ADAMTS2: variants seen among roughly 807,000 people sequenced by gnomAD.
The protein encoded by ADAMTS2 is A disintegrin and metalloproteinase with thrombospondin motifs 2.
ADAMTS2 carries 50 observed loss-of-function variants against 123.0 expected under a neutral mutation model. The ratio of observed to expected loss-of-function variants is 0.41; its 90% confidence interval spans 0.32 to 0.51. The LOEUF is 0.51. Ranked by LOEUF, ADAMTS2 falls within the 20% of genes least tolerant of loss-of-function variation. The pLI is 0.35. For missense variants in ADAMTS2, 1,494 were observed against 1,705.2 expected (o/e 0.88, Z 2.18); for synonymous variants, 678 against 695.4 (o/e 0.98, Z 0.39).
At chr5:179,220,476 G>A (rs1336772743) in intron 3 of ADAMTS2, among the ~76,000 whole-genome samples, 1 of 152,140 alleles carries the variant, frequency 6.6e-6, no homozygotes, top group Non-Finnish European at 1.5e-5. Context: ...CACTCAGAAG[G>A]TCCAGGGCCT....
Position 179,256,550 on chromosome 5 carries a change from A to G in ADAMTS2, c.688+16361T>C, listed in dbSNP as rs1766057494. Among the ~76,000 whole-genome samples the G allele has an allele frequency of 6.6e-6, 1 of 151,964 alleles. No individual in the cohort carries two copies. Among genetic ancestry groups the G allele is most frequent in the African/African-American group, 2.4e-5 (1 of 41,388 alleles). On this transcript the variant is annotated intron_variant, in intron 3 of 21. Coordinates refer to ENST00000251582, the MANE Select transcript of ADAMTS2 (RefSeq NM_014244.5). This position sits in a 1 kb window ranked among gnomAD's most constrained non-coding sequence, Gnocchi z 4.1. ...TGTGTGAGAGAGAGAGAGGAGAGAG[A>G]GACGGAGAGAGTTTATGTACGTGTA...
At chr5:179,310,657 G>A (rs1756805172) in intron 2 of ADAMTS2, among the ~76,000 whole-genome samples, 1 of 152,160 alleles carries the variant, frequency 6.6e-6, no homozygotes, top group Non-Finnish European at 1.5e-5. Flanking sequence ...GCTGAATCCA[G>A]GCCCCATCCA....
intron 4 of ADAMTS2, among the ~76,000 whole-genome samples, chr5:179,203,329 C>T (rs777800160): frequency 1.3e-5 from 2 of 152,236 alleles, no homozygotes; most frequent in African/African-American, 2.4e-5. Context: ...TCTGGATGTG[C>T]CGTTGCCCAG....
intron 2 of ADAMTS2, among the ~76,000 whole-genome samples, chr5:179,287,008 C>T (rs1229416166): frequency 1.3e-5 from 2 of 152,146 alleles, no homozygotes; most frequent in Admixed American, 6.5e-5. Flanking sequence ...TCCTGATCTA[C>T]GGGAGTTTAG....
At position 179,118,289 on chromosome 5, in the gene ADAMTS2, C is replaced by T. The variant is rs1188608657; in HGVS notation, c.3178+3372G>A. Among the ~76,000 whole-genome samples the T allele has an allele frequency of 6.6e-6, 1 of 152,138 alleles. No homozygotes were observed. Among genetic ancestry groups the T allele is most frequent in the Admixed American group, 6.5e-5 (1 of 15,270 alleles). ...ATCTTAAAGATGCCCCAGGTTTGTA[C>T]ATTTTTAAGTATCATCACGGACCAC... On this transcript the variant is annotated intron_variant, in intron 21 of 21. Coordinates refer to ENST00000251582, the MANE Select transcript of ADAMTS2 (RefSeq NM_014244.5). This position sits in a 1 kb window ranked among gnomAD's most constrained non-coding sequence, Gnocchi z 4.5.
Position 179,137,757 on chromosome 5 carries a change from A to T in ADAMTS2, c.1951+12T>A. On this transcript the variant is annotated intron_variant, in intron 12 of 21. Transcript: ENST00000251582. ...TGCTGAGCCCCCACTGATGCCTCCC[A>T]GAAGGGCTCACCATCCCGGTGCTCG... The T allele has an allele frequency of 7.6e-7, 1 of 1,313,916 alleles. No homozygotes were observed. The highest frequency in any genetic ancestry group is 1.0e-6 in the Non-Finnish European group (1 of 998,380). 81.4% of individuals were successfully genotyped at this position (1,313,916 alleles called of 1,614,324 possible). A position where few individuals can be genotyped will look rare whatever the true frequency, so the allele number is the denominator to read the frequency against.
chr5:179,310,433 C>A (rs1756798833), intron 2 of ADAMTS2, among the ~76,000 whole-genome samples: 1 of 152,184 alleles, frequency 6.6e-6, no homozygotes, highest in Non-Finnish European at 1.5e-5. Context: ...TACAGTATGG[C>A]CTAGAGAGCC....
chr5:179,153,472 T>G lies in ADAMTS2; in HGVS notation c.1515+19A>C, dbSNP rs761359746. On this transcript the variant is annotated intron_variant, in intron 9 of 21. Transcript: ENST00000251582. ...CCCCCAGACCTGGGAGGGTCCCGGC[T>G]GCAGGGCTGCACACTCACCGCCGTG... is the stretch of plus-strand genomic sequence containing the variant. The G allele has an allele frequency of 6.2e-7, 1 of 1,605,898 alleles. No individual in the cohort carries two copies. The highest frequency in any genetic ancestry group is 1.1e-5 in the South Asian group (1 of 91,070).
At chr5:179,289,960 A>G (rs1756138273) in intron 2 of ADAMTS2, among the ~76,000 whole-genome samples, 1 of 152,258 alleles carries the variant, frequency 6.6e-6, no homozygotes, top group Non-Finnish European at 1.5e-5. Flanking sequence ...GGAGAGACAC[A>G]ACAACTAAAT....
At chr5:179,342,560 T>C (rs1000825065) in intron 2 of ADAMTS2, among the ~76,000 whole-genome samples, 1 of 152,238 alleles carries the variant, frequency 6.6e-6, no homozygotes, top group African/African-American at 2.4e-5. Context: ...AATTGCCGGC[T>C]CTGCAGACTG....
At chr5:179,183,319 G>A (rs771492815) in intron 4 of ADAMTS2, among the ~76,000 whole-genome samples, 2 of 152,206 alleles carry the variant, frequency 1.3e-5, no homozygotes, top group Non-Finnish European at 2.9e-5. Context: ...GAGTCTGACC[G>A]AGGGAAGGTC....
At chr5:179,296,243 T>C (rs1313562850) in intron 2 of ADAMTS2, among the ~76,000 whole-genome samples, 6 of 152,050 alleles carry the variant, frequency 3.9e-5, no homozygotes, top group Non-Finnish European at 1.5e-5. Flanking sequence ...CGGCAGGGGC[T>C]GTGCTTCTGA....
chr5:179,260,960 C>T lies in ADAMTS2; in HGVS notation c.688+11951G>A, dbSNP rs1364457616. Among the ~76,000 whole-genome samples, 1 of 152,092 alleles carries T rather than the reference C, an allele frequency of 6.6e-6. No individual in the cohort carries two copies. On this transcript the variant is annotated intron_variant, in intron 3 of 21. Coordinates refer to ENST00000251582, the MANE Select transcript of ADAMTS2 (RefSeq NM_014244.5). The surrounding 1 kb of genome is among the most constrained non-coding windows in gnomAD (Gnocchi z 4.2). ...GAGTGCCCACCTTCGCGCAGGCCCT[C>T]GGTGAATGGGCATGTCCTTGAACGC...
intron 10 of ADAMTS2, among the ~76,000 whole-genome samples, chr5:179,141,777 G>A (rs1389363386): frequency 6.6e-6 from 1 of 152,150 alleles, no homozygotes; most frequent in African/African-American, 2.4e-5. Flanking sequence ...TCTCAACTCT[G>A]TTGCAGAGTC....
chr5:179,191,438 G>C (rs1764305145), intron 4 of ADAMTS2, among the ~76,000 whole-genome samples: 2 of 152,016 alleles, frequency 1.3e-5, no homozygotes, highest in African/African-American at 4.8e-5. Flanking sequence ...ACTGAGCTCG[G>C]TCACCTGGGT....
intron 2 of ADAMTS2, among the ~76,000 whole-genome samples, chr5:179,290,620 T>G (rs1355996252): frequency 1.3e-5 from 2 of 152,194 alleles, no homozygotes; most frequent in Non-Finnish European, 2.9e-5. Context: ...TTCTTGCAAT[T>G]TTTCCAAGAC....
At chr5:179,301,648 A>G (rs1581257734) in intron 2 of ADAMTS2, among the ~76,000 whole-genome samples, 2 of 152,352 alleles carry the variant, frequency 1.3e-5, no homozygotes, top group African/African-American at 4.8e-5. Flanking sequence ...GCAGCACCTG[A>G]GTAACTGGGG....
chr5:179,212,368 C>T lies in ADAMTS2; in HGVS notation c.689-4653G>A, dbSNP rs1374958576. On this transcript the variant is annotated intron_variant, in intron 3 of 21. Transcript: ENST00000251582. Reference sequence around the variant, plus strand: ...AGTGGGCACGTGTGGGCCCTGAGGGCGGGTGCAGTGGGCAGGCATGGGCTC... The same window carrying T: ...AGTGGGCACGTGTGGGCCCTGAGGGTGGGTGCAGTGGGCAGGCATGGGCTC... Among the ~76,000 whole-genome samples, 55 of 136,412 alleles carry T rather than the reference C, an allele frequency of 4.0e-4. 2 individuals are homozygous for T. The highest frequency in any genetic ancestry group is 1.3e-3 in the African/African-American group (47 of 35,898). 89.5% of individuals were successfully genotyped at this position (136,412 alleles called of 152,430 possible). A position where few individuals can be genotyped will look rare whatever the true frequency, so the allele number is the denominator to read the frequency against.
At chr5:179,205,784 A>ATTATTATTT (rs1764671668) in intron 4 of ADAMTS2, among the ~76,000 whole-genome samples, 1 of 150,530 alleles carries the variant, frequency 6.6e-6, no homozygotes, top group Non-Finnish European at 1.5e-5. Context: ...TATTATTATT[A>ATTATTATTT]TTTTTGAGAC....
Sources: allele counts gnomAD v4.1 joint callset (sites outside exome capture counted in the v4.1 genomes callset), GRCh38; gene constraint gnomAD v4.1.1; non-coding constraint Gnocchi (gnomAD v3.1); transcripts MANE v1.5; gene names NCBI Gene and HGNC (gene_info 2026-07-23, HGNC 2026-07-21).